NEK7: variants seen among roughly 807,000 people sequenced by gnomAD.
NEK7 encodes the protein NIMA related kinase 7.
In NEK7, 18 loss-of-function variants were observed where a neutral mutation model predicts 44.6. That is an observed-to-expected ratio of 0.40 (90% confidence interval 0.28 to 0.60). The LOEUF (loss-of-function observed/expected upper bound fraction) is 0.60, where lower values mean the gene tolerates loss of function less well. Among genes scored for constraint, NEK7 ranks in the 20% least tolerant of loss-of-function variants. NEK7 has a pLI of 0.38. For missense variants in NEK7, 256 were observed against 366.5 expected (o/e 0.70, Z 2.46); for synonymous variants, 130 against 121.1 (o/e 1.07, Z -0.48).
Position 198,321,993 on chromosome 1 carries a change from A to G in NEK7, c.*2471A>G, listed in dbSNP as rs975962693. On this transcript the variant is annotated 3_prime_UTR_variant, in exon 10 of 10. Coordinates refer to ENST00000367385, the MANE Select transcript of NEK7 (RefSeq NM_133494.3). ...GTATGGTAAGGTTTAGGAATGGTGGATGAAGGGTATCTCTATATAAATAAA... is the reference window on the plus strand; with the variant it reads ...GTATGGTAAGGTTTAGGAATGGTGGGTGAAGGGTATCTCTATATAAATAAA... The G allele has an allele frequency of 2.0e-5, 3 of 152,292 alleles. No homozygotes were observed. Among genetic ancestry groups the G allele is most frequent in the Non-Finnish European group, 4.4e-5 (3 of 67,990 alleles). 9.4% of individuals were successfully genotyped at this position (152,292 alleles called of 1,614,324 possible). A position where few individuals can be genotyped will look rare whatever the true frequency, so the allele number is the denominator to read the frequency against.
chr1:198,278,240 A>C (rs1654080584), intron 6 of NEK7, among the ~76,000 whole-genome samples, 171 bp downstream of exon 6: 3 of 146,648 alleles, frequency 2.0e-5, no homozygotes, highest in Non-Finnish European at 4.5e-5. Context: ...GGTTTTAAAT[A>C]AGAATGTAAA....
At chr1:198,316,530 G>C (rs1264649929) in intron 9 of NEK7, among the ~76,000 whole-genome samples, 1 of 152,134 alleles carries the variant, frequency 6.6e-6, no homozygotes, top group Non-Finnish European at 1.5e-5. Context: ...TTCCTCCTCT[G>C]GGCAGCCACA....
chr1:198,285,511 G>C (rs1438357522), intron 7 of NEK7, among the ~76,000 whole-genome samples: 1 of 152,154 alleles, frequency 6.6e-6, no homozygotes, highest in African/African-American at 2.4e-5. Flanking sequence ...TGGCATTCCA[G>C]GCAGCTTCAG....
At chr1:198,245,187 A>G (rs983020488) in intron 2 of NEK7, 1 of 168,528 alleles carries the variant, frequency 5.9e-6, no homozygotes, top group African/African-American at 2.4e-5. Context: ...TGCATTGGGT[A>G]GGCAGAGGAG....
chr1:198,182,628 T>C lies in NEK7; in HGVS notation c.-29+25352T>C, dbSNP rs115306676. On this transcript the variant is annotated intron_variant, in intron 1 of 9. Transcript: ENST00000367385. ...AATTATTTTTTGGAAACATTACTTA[T>C]GTATTCTGGATTTTAGAAACTGTTA... is the stretch of plus-strand genomic sequence containing the variant. 6.9e-3 allele frequency among the ~76,000 whole-genome samples: 1,048 copies of C among 152,344 alleles called. 10 individuals carry two copies. The highest frequency in any genetic ancestry group is 0.02 in the African/African-American group (814 of 41,574).
intron 2 of NEK7, among the ~76,000 whole-genome samples, chr1:198,245,543 T>C (rs536608189): frequency 2.2e-4 from 33 of 152,298 alleles, no homozygotes; most frequent in African/African-American, 7.7e-4. Context: ...TCAGAAGGCA[T>C]GGGAATAAGC....
At chr1:198,216,180 G>A (rs957498928) in intron 1 of NEK7, among the ~76,000 whole-genome samples, 3 of 151,932 alleles carry the variant, frequency 2.0e-5, no homozygotes, top group Admixed American at 2.0e-4. Flanking sequence ...CATATGATAG[G>A]CCACAAAATG....
chr1:198,226,733 A>G (rs1327597955), intron 1 of NEK7, among the ~76,000 whole-genome samples: 1 of 151,528 alleles, frequency 6.6e-6, no homozygotes, highest in Non-Finnish European at 1.5e-5. Context: ...GAGTCCTTCT[A>G]ACAATCTCTC....
intron 1 of NEK7, among the ~76,000 whole-genome samples, chr1:198,201,163 G>T (rs1486803418): frequency 6.6e-6 from 1 of 152,072 alleles, no homozygotes; most frequent in Non-Finnish European, 1.5e-5. Flanking sequence ...TTTGTGTGTT[G>T]TGTTGACGAG....
At chr1:198,255,901 G>A (rs1653246409) in intron 3 of NEK7, among the ~76,000 whole-genome samples, 1 of 152,072 alleles carries the variant, frequency 6.6e-6, no homozygotes, top group African/African-American at 2.4e-5. Context: ...TTACACTTGT[G>A]CTGAACAGGA....
In NEK7 at chr1:198,157,072, C is replaced by G. The variant is rs986050180; in HGVS notation, c.-233C>G. 5.9e-5 allele frequency: 9 copies of G among 152,012 alleles called. No homozygotes were observed. Among genetic ancestry groups the G allele is most frequent in the Non-Finnish European group, 1.3e-4 (9 of 67,988 alleles). 9.4% of individuals were successfully genotyped at this position (152,012 alleles called of 1,614,324 possible). ...GATGGGCCGCCGCTAGGCTCGCACT[C>G]CGGACGCGCCTCGCAGTGCGCAGGG... On this transcript the variant is annotated 5_prime_UTR_variant, in exon 1 of 10. Coordinates refer to ENST00000367385, the MANE Select transcript of NEK7 (RefSeq NM_133494.3).
At chr1:198,175,196 T>C (rs1439064763) in intron 1 of NEK7, among the ~76,000 whole-genome samples, 1 of 150,718 alleles carries the variant, frequency 6.6e-6, no homozygotes, top group East Asian at 1.9e-4. Flanking sequence ...AAATATTTGT[T>C]AAATGAATAA....
At chr1:198,271,905 T>TTATATATATATATATATATATATATATA (rs34354855) in intron 5 of NEK7, among the ~76,000 whole-genome samples, 3 of 141,390 alleles carry the variant, frequency 2.1e-5, no homozygotes, top group African/African-American at 7.8e-5. Flanking sequence ...AATTTATATT[T>TTATATATATATATATATATATATATATA]TATATATATA....
intron 1 of NEK7, among the ~76,000 whole-genome samples, chr1:198,173,164 C>G (rs1269602014): frequency 2.0e-5 from 3 of 152,034 alleles, no homozygotes; most frequent in African/African-American, 7.2e-5. Context: ...TGTGGTGGCT[C>G]ATGTCTATAA....
Position 198,252,006 on chromosome 1 carries a change from G to T in NEK7, c.58-1034G>T, listed in dbSNP as rs1653020954. On this transcript the variant is annotated intron_variant, in intron 2 of 9. Transcript: ENST00000367385. Reference sequence around the variant, plus strand: ...GGATCTTTCCTGGTTTCTCTTGTGGGCATTTAGTGCTATAAATTGCCCTCT... The same window carrying T: ...GGATCTTTCCTGGTTTCTCTTGTGGTCATTTAGTGCTATAAATTGCCCTCT... Among the ~76,000 whole-genome samples the T allele has an allele frequency of 3.9e-5, 6 of 151,972 alleles. No individual in the cohort carries two copies. In the South Asian group the frequency reaches 1.0e-3, roughly 26 times the overall value.
At chr1:198,182,256 A>G (rs1374136227) in intron 1 of NEK7, among the ~76,000 whole-genome samples, 2 of 152,198 alleles carry the variant, frequency 1.3e-5, no homozygotes, top group Non-Finnish European at 2.9e-5. Flanking sequence ...TTGCACATAC[A>G]TTAATAATGT....
intron 1 of NEK7, among the ~76,000 whole-genome samples, chr1:198,183,907 T>A (rs1392943104): frequency 6.6e-6 from 1 of 152,022 alleles, no homozygotes; most frequent in Non-Finnish European, 1.5e-5. Flanking sequence ...GTAAAAACAA[T>A]TTTTTTTCTT....
intron 9 of NEK7, among the ~76,000 whole-genome samples, chr1:198,318,855 G>A (rs1655451943): frequency 6.6e-6 from 1 of 151,954 alleles, no homozygotes; most frequent in African/African-American, 2.4e-5. Context: ...CACAATTGAG[G>A]ATTGGAATAA....
At chr1:198,260,288 G>T (rs1475445000) in intron 3 of NEK7, among the ~76,000 whole-genome samples, 1 of 151,728 alleles carries the variant, frequency 6.6e-6, no homozygotes, top group Non-Finnish European at 1.5e-5. Flanking sequence ...TGCTATTGGT[G>T]TCCATTTATA....
Sources: allele counts gnomAD v4.1 joint callset (sites outside exome capture counted in the v4.1 genomes callset), GRCh38; gene constraint gnomAD v4.1.1; transcripts MANE v1.5; gene names NCBI Gene and HGNC (gene_info 2026-07-23, HGNC 2026-07-21).